SH3KBP1: variants seen among roughly 807,000 people sequenced by gnomAD.
SH3KBP1 encodes SH3 domain-containing kinase-binding protein 1.
A neutral mutation model predicts 50.1 loss-of-function variants in SH3KBP1; 8 were observed. That is an observed-to-expected ratio of 0.16 (90% CI 0.09 to 0.29). SH3KBP1 has a LOEUF of 0.29. Among genes scored for constraint, SH3KBP1 ranks in the 10% least tolerant of loss-of-function variants. SH3KBP1 has a pLI of 1.00. For synonymous variants in SH3KBP1, 227 were observed against 218.6 expected (o/e 1.04, Z -0.34); for missense variants, 377 against 535.2 (o/e 0.70, Z 2.92).
At chrX:19,830,301 GA>G (rs1421621188) in intron 2 of SH3KBP1, among the ~76,000 whole-genome samples, 1 of 107,654 alleles carries the variant, frequency 9.3e-6, no homozygotes, top group Non-Finnish European at 1.9e-5. Context: ...AAATAGCATT[GA>G]TCTGGGTGGT....
intron 6 of SH3KBP1, among the ~76,000 whole-genome samples, chrX:19,646,247 C>A (rs780530428): frequency 8.9e-6 from 1 of 112,000 alleles, no homozygotes; most frequent in Non-Finnish European, 1.9e-5. Flanking sequence ...CCTTCATTTG[C>A]GGCTAATTCT....
intron 5 of SH3KBP1, among the ~76,000 whole-genome samples, chrX:19,685,831 T>A (rs905819675): frequency 1.8e-5 from 2 of 111,301 alleles, no homozygotes; most frequent in African/African-American, 6.5e-5. Flanking sequence ...AAAGAAACCA[T>A]CACCACTCCC....
intron 5 of SH3KBP1, among the ~76,000 whole-genome samples, chrX:19,689,868 T>C (rs1304908764): frequency 9.0e-6 from 1 of 111,558 alleles, no homozygotes; most frequent in East Asian, 2.8e-4. Flanking sequence ...ACAAATATCA[T>C]CTAATATTAA....
chrX:19,569,819 G>A (rs2147836401), intron 12 of SH3KBP1, among the ~76,000 whole-genome samples: 1 of 111,407 alleles, frequency 9.0e-6, no homozygotes, highest in South Asian at 3.8e-4. Flanking sequence ...ATGGGAACAG[G>A]CCTCCAAGAT....
chrX:19,818,468 G>C (rs1867238996), intron 2 of SH3KBP1, among the ~76,000 whole-genome samples: 1 of 111,807 alleles, frequency 8.9e-6, no homozygotes, highest in African/African-American at 3.2e-5. Context: ...AATGAGACTG[G>C]TAAGAGCAGA....
intron 12 of SH3KBP1, among the ~76,000 whole-genome samples, chrX:19,572,414 C>CATATGTTATATATAGTACATACAT (rs10696319): frequency 1.0e-5 from 1 of 99,312 alleles, no homozygotes; most frequent in African/African-American, 4.1e-5. Flanking sequence ...ATAGTACATA[C>CATATGTTATATATAGTACATACAT]ATGTTATATA....
At chrX:19,581,954 C>T (rs1452076711) in intron 12 of SH3KBP1, among the ~76,000 whole-genome samples, 2 of 110,465 alleles carry the variant, frequency 1.8e-5, no homozygotes, top group Non-Finnish European at 3.8e-5. Context: ...CACAAGAAGT[C>T]CACATGGTAT....
intron 8 of SH3KBP1, among the ~76,000 whole-genome samples, chrX:19,622,618 G>A (rs1046316170): frequency 8.9e-6 from 1 of 112,535 alleles, no homozygotes; most frequent in African/African-American, 3.2e-5. Context: ...ACACAGAGAT[G>A]AGTAACCTGC....
intron 16 of SH3KBP1, among the ~76,000 whole-genome samples, chrX:19,540,561 A>G (rs1323730907): frequency 9.0e-6 from 1 of 111,442 alleles, no homozygotes; most frequent in Admixed American, 9.5e-5. Flanking sequence ...AAAACACATT[A>G]GGGCCCTCAA....
intron 8 of SH3KBP1, among the ~76,000 whole-genome samples, chrX:19,620,100 A>G (rs2067760809): frequency 8.9e-6 from 1 of 112,578 alleles, no homozygotes; most frequent in Non-Finnish European, 1.9e-5. Flanking sequence ...CTTTTCTTCC[A>G]TTAAAAGGAT....
chrX:19,725,807 C>G (rs773214947), intron 3 of SH3KBP1, among the ~76,000 whole-genome samples: 58 of 112,465 alleles, frequency 5.2e-4, no homozygotes, highest in Admixed American at 2.8e-4. Context: ...AAAGCCAACT[C>G]CAGGAGAGGC....
At chrX:19,828,557 G>A (rs938620410) in intron 2 of SH3KBP1, among the ~76,000 whole-genome samples, 8 of 110,776 alleles carry the variant, frequency 7.2e-5, no homozygotes, top group Middle Eastern at 4.2e-3. Context: ...TGAGGCGGGC[G>A]GATCACTTGA....
intron 3 of SH3KBP1, among the ~76,000 whole-genome samples, chrX:19,716,803 C>G (rs2063922740): frequency 1.8e-5 from 2 of 111,292 alleles, no homozygotes; most frequent in African/African-American, 6.5e-5. Context: ...ATAACTTGTC[C>G]AGGGTACATG....
At chrX:19,791,944 A>G (rs1486531808) in intron 2 of SH3KBP1, among the ~76,000 whole-genome samples, 1 of 111,871 alleles carries the variant, frequency 8.9e-6, no homozygotes, top group Non-Finnish European at 1.9e-5. Context: ...TATGTGACAT[A>G]ATTAAAATAC....
In SH3KBP1 at chrX:19,635,829, G is replaced by A. The variant is rs746273921; in HGVS notation, c.803-3871C>T. ...TTCTTGGAGAAAAGCAAGGGGAGGA[G>A]AATGGCAGAAAGAAAAGACAAAGCC... is the stretch of plus-strand genomic sequence containing the variant. On this transcript the variant is annotated intron_variant, in intron 7 of 17. Coordinates refer to ENST00000397821, the MANE Select transcript of SH3KBP1 (RefSeq NM_031892.3). Among the ~76,000 whole-genome samples the A allele has an allele frequency of 3.6e-3, 402 of 111,117 alleles. 1 individual carries two copies. The highest frequency in any genetic ancestry group is 0.012 in the African/African-American group (381 of 30,527).
intron 7 of SH3KBP1, among the ~76,000 whole-genome samples, chrX:19,640,488 CTTTTT>C (rs752769114): frequency 9.9e-6 from 1 of 100,771 alleles, no homozygotes; most frequent in Non-Finnish European, 2.0e-5. Flanking sequence ...TCTGCAACGA[CTTTTT>C]TTTTTTTTTT....
At chrX:19,694,972 G>C in intron 5 of SH3KBP1, 1 of 1,176,277 alleles carries the variant, frequency 8.5e-7, no homozygotes. Flanking sequence ...GTGACTGGGA[G>C]AACGAAGTTT....
At chrX:19,694,929 A>G (rs908190340) in intron 5 of SH3KBP1, 27 of 971,927 alleles carry the variant, frequency 2.8e-5, no homozygotes, top group Non-Finnish European at 3.9e-5. Flanking sequence ...TCAAGACAGC[A>G]CAAGAGATAC....
chrX:19,670,781 A>G (rs1371623065), intron 6 of SH3KBP1: 7 of 1,009,310 alleles, frequency 6.9e-6, no homozygotes, highest in Non-Finnish European at 7.9e-6. Context: ...CAGTCTTGCT[A>G]CAAAATGTTA....
Sources: allele counts gnomAD v4.1 joint callset (sites outside exome capture counted in the v4.1 genomes callset), GRCh38; gene constraint gnomAD v4.1.1; transcripts MANE v1.5; gene names NCBI Gene and HGNC (gene_info 2026-07-23, HGNC 2026-07-21).